The following CHI3L1 variants were observed in gnomAD, a reference collection of about 807,000 sequenced individuals.
The protein encoded by CHI3L1 is chitinase 3 like 1, also known as chitinase-3-like protein 1.
In CHI3L1, 30 loss-of-function variants were observed where a neutral mutation model predicts 40.7. The ratio of observed to expected loss-of-function variants is 0.74; its 90% CI spans 0.55 to 1.00. CHI3L1 has a LOEUF of 1.00. CHI3L1 is among the 50% of genes least tolerant of loss of function. The probability of loss-of-function intolerance (pLI) is 0.00; values close to 1 mark genes in which losing one functional copy is unlikely to be tolerated. For missense variants in CHI3L1, 493 were observed against 492.2 expected (o/e 1.00, Z -0.01); for synonymous variants, 210 against 192.1 (o/e 1.09, Z -0.77).
rs6684919 is a variant in CHI3L1, at chr1:203,186,535, C to T, written c.25+64G>A. ...TCCCTCACCCAGCAGGCAGATGGCT[C>T]TGCGGGCTGTCTGGGCCTGAAAACC... On this transcript the variant is annotated intron_variant, in intron 1 of 9. Coordinates refer to ENST00000255409, the MANE Select transcript of CHI3L1 (RefSeq NM_001276.4). The T allele has an allele frequency of 2.5e-6, 4 of 1,608,194 alleles. No individual in the cohort carries two copies. In the East Asian group the frequency reaches 6.7e-5, roughly 27 times the overall value.
At chr1:203,180,314 G>T in intron 8 of CHI3L1, 156 bp downstream of exon 8, 2 of 686,066 alleles carry the variant, frequency 2.9e-6, no homozygotes. Flanking sequence ...AGCAACAAAT[G>T]TCCTAACCTC....
rs574537613 is a variant in CHI3L1, at chr1:203,184,629, G to T, written c.261C>A (p.Asn87Lys). 9.9e-6 allele frequency: 16 copies of T among 1,613,956 alleles called. No individual in the cohort carries two copies. The highest frequency in any genetic ancestry group is 1.7e-4 in the Middle Eastern group (1 of 6,058). ...CAGACAAGAGAGTCTTCAGGTTGGG[G>T]TTCCTGTGGAGCACAGGGAGGTGGG... ...YGMLNTLKNRNPNLKTLLSVG... is the reference protein window; with the variant it reads ...YGMLNTLKNRKPNLKTLLSVG... Residue 87 changes from asparagine to lysine, a missense_variant, in exon 4 of 10, where the codon AAC becomes AAA. By Grantham distance (94) the Asn-to-Lys change is moderately conservative. Transcript: ENST00000255409.
chr1:203,179,272 C>T lies in CHI3L1; in HGVS notation c.*173G>A. The T allele has an allele frequency of 1.8e-6, 1 of 551,692 alleles. No homozygotes were observed. The highest frequency in any genetic ancestry group is 3.1e-6 in the Non-Finnish European group (1 of 318,150). 34.2% of individuals were successfully genotyped at this position (551,692 alleles called of 1,614,324 possible). A position where few individuals can be genotyped will look rare whatever the true frequency, so the allele number is the denominator to read the frequency against. On this transcript the variant is annotated 3_prime_UTR_variant, in exon 10 of 10. Coordinates refer to ENST00000255409, the MANE Select transcript of CHI3L1 (RefSeq NM_001276.4). ...CCACAGCCCCATCCCTACCTCTCTG[C>T]CCACCAGGGCTGAGCTCAAATCTGT...
At chr1:203,179,922 G>GACCTTGCA in intron 8 of CHI3L1, 45 bp from the exon 9 acceptor site, 3 of 1,577,368 alleles carry the variant, frequency 1.9e-6, no homozygotes, top group Non-Finnish European at 2.6e-6. Context: ...GTCGTGCCGA[G>GACCTTGCA]ACCTTGCAGG....
At chr1:203,186,148 C>T (rs1656050645) in intron 2 of CHI3L1, among the ~76,000 whole-genome samples, 168 bp downstream of exon 2, 1 of 152,168 alleles carries the variant, frequency 6.6e-6, no homozygotes. Flanking sequence ...GCAAAATAAA[C>T]ATCCATATAC....
chr1:203,180,876 C>G (rs191314558), intron 7 of CHI3L1, among the ~76,000 whole-genome samples: 2 of 152,304 alleles, frequency 1.3e-5, no homozygotes, highest in African/African-American at 2.4e-5. Context: ...TTGACAGATG[C>G]AGAAATCAGG....
intron 2 of CHI3L1, 46 bp downstream of exon 2, chr1:203,186,270 T>A: frequency 6.4e-7 from 1 of 1,559,528 alleles, no homozygotes; most frequent in East Asian, 2.4e-5. Flanking sequence ...CCCTGTGCCC[T>A]CGCCACGCCT....
At chr1:203,183,612 T>C (rs1216771717) in intron 5 of CHI3L1, 29 bp downstream of exon 5, 8 of 1,611,860 alleles carry the variant, frequency 5.0e-6, no homozygotes, top group Non-Finnish European at 6.8e-6. Context: ...CCTGCCCACC[T>C]CCCTCCCTGT....
rs1655916536 is a variant in CHI3L1 at position 203,180,652 on chromosome 1, C to T, written c.712G>A (p.Asp238Asn). 1 of 1,594,302 alleles carries T rather than the reference C, an allele frequency of 6.3e-7. No homozygotes were observed. Among genetic ancestry groups the T allele is most frequent in the Non-Finnish European group, 8.5e-7 (1 of 1,170,528 alleles). Reference protein sequence around the residue: ...DASPDRFSNTDYAVGYMLRLG... With the variant: ...DASPDRFSNTNYAVGYMLRLG... ...CTCAACATGTACCCCACAGCATAGT[C>T]CTGGGTGGGGTAGGGTGGGAACAAC... Residue 238 changes from aspartate to asparagine, a missense_variant and splice_region_variant, in exon 8 of 10, where the codon GAC becomes AAC. By Grantham distance (23) the Asp-to-Asn change is conservative (BLOSUM62 1). Coordinates refer to ENST00000255409, the MANE Select transcript of CHI3L1 (RefSeq NM_001276.4).
intron 1 of CHI3L1, 102 bp from the exon 2 acceptor site, chr1:203,186,447 C>CCCCCG: frequency 6.7e-7 from 1 of 1,487,194 alleles, no homozygotes; most frequent in South Asian, 1.2e-5. Flanking sequence ...CCCCCACCTC[C>CCCCCG]TGGTTGCAGC....
intron 1 of CHI3L1, 78 bp from the exon 2 acceptor site, chr1:203,186,423 A>ACCCCCCCCCCCCCCC: frequency 3.9e-5 from 52 of 1,320,864 alleles, no homozygotes; most frequent in South Asian, 1.4e-4. Flanking sequence ...AGCAACTGAG[A>ACCCCCCCCCCCCCCC]CCCACCTCCC....
At position 203,180,488 on chromosome 1, in the gene CHI3L1, C is replaced by A. The variant is rs1571826746; in HGVS notation, c.876G>T (p.Gly292=). The A allele has an allele frequency of 6.3e-7, 1 of 1,596,274 alleles. No individual in the cohort carries two copies. The highest frequency in any genetic ancestry group is 2.3e-5 in the East Asian group (1 of 43,214). Residue 292 remains glycine, a synonymous_variant, in exon 8 of 10, where the codon GGG becomes GGT. Transcript: ENST00000255409. ...CCATTACCTCATAGTAGGCAAGGGT[C>A]CCTGCCTCCTTGGTGAACCGGCCTG... ...GIPGRFTKEA[G]TLAYYEICDF...
At chr1:203,186,369 C>A in intron 1 of CHI3L1, 24 bp from the exon 2 acceptor site, 1 of 1,584,554 alleles carries the variant, frequency 6.3e-7, no homozygotes, top group Non-Finnish European at 8.6e-7. Flanking sequence ...CAGGATGAGA[C>A]CCCTGCAAGT....
At position 203,180,581 on chromosome 1, in the gene CHI3L1, G is replaced by A. The variant is rs150868636; in HGVS notation, c.783C>T (p.Phe261=). The part of the protein sequence containing the change: ...ASKLVMGIPT[F]GRSFTLASSE... ...AAGAAGCCAGAGTGAAGCTCCTCCC[G>A]AAGGTGGGGATGCCCATCACCAGCT... The change falls in exon 8 of 10, where the codon TTC becomes TTT. Residue 261 remains phenylalanine, a synonymous_variant. Transcript: ENST00000255409. 1.8e-4 allele frequency: 281 copies of A among 1,601,720 alleles called. No homozygotes were observed. Among genetic ancestry groups the A allele is most frequent in the African/African-American group, 4.7e-4 (35 of 74,566 alleles).
chr1:203,181,041 T>C lies in CHI3L1; in HGVS notation c.711+121A>G, dbSNP rs983334288. ...GGCCTCAGTTTCCTTATCTGTGGAA[T>C]GGGCCTCATGACCCCCCTCTTGCAG... On this transcript the variant is annotated intron_variant, in intron 7 of 9. Transcript: ENST00000255409. 23 of 1,293,414 alleles carry C rather than the reference T, an allele frequency of 1.8e-5. No homozygotes were observed. The East Asian group carries it at 4.4e-4, about 25-fold the overall frequency. 80.1% of individuals were successfully genotyped at this position (1,293,414 alleles called of 1,614,324 possible).
chr1:203,180,514 G>A lies in CHI3L1; in HGVS notation c.850C>T (p.Pro284Ser), dbSNP rs1655911913. The change falls in exon 8 of 10, where the codon CCA (proline) becomes TCA (serine). Residue 284 changes from proline to serine, a missense_variant. Coordinates refer to ENST00000255409, the MANE Select transcript of CHI3L1 (RefSeq NM_001276.4). Reference protein sequence around the residue: ...VGAPISGPGIPGRFTKEAGTL... With the variant: ...VGAPISGPGISGRFTKEAGTL... ...CCTGCCTCCTTGGTGAACCGGCCTG[G>A]AATTCCCGGTCCTGAGATTGGGGCT... The A allele has an allele frequency of 6.2e-7, 1 of 1,609,118 alleles. No individual in the cohort carries two copies.
Position 203,180,670 on chromosome 1 carries a change from G to T in CHI3L1, c.712-18C>A, listed in dbSNP as rs1437312583. On this transcript the variant is annotated intron_variant, in intron 7 of 9. Coordinates refer to ENST00000255409, the MANE Select transcript of CHI3L1 (RefSeq NM_001276.4). ...GCATAGTCCTGGGTGGGGTAGGGTG[G>T]GAACAACGTGAGCAGTTAGTGCACA... The T allele has an allele frequency of 1.3e-6, 2 of 1,507,332 alleles. No individual in the cohort carries two copies. The highest frequency in any genetic ancestry group is 1.8e-6 in the Non-Finnish European group (2 of 1,101,310). The allele number at this position is 1,507,332 out of a possible 1,614,324, so 93.4% of individuals were successfully genotyped here.
intron 7 of CHI3L1, 33 bp downstream of exon 7, chr1:203,181,129 C>G: frequency 1.2e-6 from 2 of 1,611,156 alleles, no homozygotes; most frequent in Non-Finnish European, 8.5e-7. Context: ...TCTTGCGGCC[C>G]CCTCCTGGCC....
rs1478375385 is a variant in CHI3L1 at position 203,186,584 on chromosome 1, G to A, written c.25+15C>T. 1 of 1,613,900 alleles carries A rather than the reference G, an allele frequency of 6.2e-7. No homozygotes were observed. On this transcript the variant is annotated intron_variant, in intron 1 of 9. Coordinates refer to ENST00000255409, the MANE Select transcript of CHI3L1 (RefSeq NM_001276.4). The stretch of plus-strand genomic sequence containing the variant: ...CCCACAACTCTGATGGATTAACCTT[G>A]GCTAGCCCAGATACCTGTTTGAGAC...
Sources: gnomAD v4.1 joint callset for allele counts (sites outside exome capture counted in the v4.1 genomes callset) on GRCh38, gnomAD v4.1.1 for gene constraint, MANE v1.5 for transcripts, NCBI Gene and HGNC (gene_info 2026-07-23, HGNC 2026-07-21) for gene names.